NIPAL3: variants seen among roughly 807,000 people sequenced by gnomAD.
NIPAL3 encodes NIPA-like protein 3.
In NIPAL3, 41 loss-of-function variants were observed where a neutral mutation model predicts 47.2. That is an observed-to-expected ratio of 0.87 (90% CI 0.68 to 1.13). The LOEUF is 1.13. Ranked by LOEUF, NIPAL3 falls within the 50% of genes most tolerant of loss-of-function variation. NIPAL3 has a pLI of 0.00. For synonymous variants in NIPAL3, 194 were observed against 209.6 expected, an observed-to-expected ratio of 0.93 and a Z score of 0.64; for missense variants, 449 against 530.1, an observed-to-expected ratio of 0.85 and a Z score of 1.50.
chr1:24,413,677 G>C (rs559497185), upstream of NIPAL3: 1 of 152,394 alleles, frequency 6.6e-6, no homozygotes, highest in African/African-American at 2.4e-5. Context: ...TTCCTACCTG[G>C]TCCGGTCCCG....
intron 1 of NIPAL3, among the ~76,000 whole-genome samples, chr1:24,419,059 C>T (rs1457131519): frequency 6.6e-6 from 1 of 151,538 alleles, no homozygotes; most frequent in Non-Finnish European, 1.5e-5. Context: ...ACATTAAGGG[C>T]CAGGGAGAAA....
chr1:24,435,563 A>G (rs1645061842), intron 2 of NIPAL3, among the ~76,000 whole-genome samples: 1 of 152,354 alleles, frequency 6.6e-6, no homozygotes, highest in East Asian at 1.9e-4. Flanking sequence ...TTAGTAGTAC[A>G]TGAAATGTCG....
Position 24,421,353 on chromosome 1 carries a change from A to C in NIPAL3, c.93+1713A>C, listed in dbSNP as rs188556396. ...GGTGAGAGAGTGAGACCCCACCTCA[A>C]AAAAAAAGAAAGAAAAAAAGATCAG... On this transcript the variant is annotated intron_variant, in intron 2 of 11. Coordinates refer to ENST00000374399, the MANE Select transcript of NIPAL3 (RefSeq NM_020448.5). Among the ~76,000 whole-genome samples, 3 of 151,930 alleles carry C rather than the reference A, an allele frequency of 2.0e-5. No individual in the cohort carries two copies. In the East Asian group the frequency reaches 5.8e-4, roughly 29 times the overall value.
chr1:24,462,869 G>A (rs111754355), intron 10 of NIPAL3, among the ~76,000 whole-genome samples: 3,701 of 152,220 alleles, frequency 0.024, 162 homozygotes, highest in African/African-American at 0.083. Flanking sequence ...AGGCTGAGGC[G>A]GGTGGATCAC....
intron 2 of NIPAL3, among the ~76,000 whole-genome samples, chr1:24,428,258 AAGAG>A (rs56082168): frequency 0.017 from 2,042 of 119,526 alleles, 61 homozygotes; most frequent in African/African-American, 0.051. Context: ...CTCAAAAAGA[AAGAG>A]AGAGAGAGAG....
intron 6 of NIPAL3, among the ~76,000 whole-genome samples, chr1:24,452,727 TA>T (rs1645997648): frequency 1.3e-5 from 2 of 152,178 alleles, no homozygotes; most frequent in Non-Finnish European, 2.9e-5. Context: ...TGTATTTATT[TA>T]TTTTTTTGAG....
intron 7 of NIPAL3, 23 bp from the exon 8 acceptor site, chr1:24,456,115 T>A: frequency 6.2e-7 from 1 of 1,613,916 alleles, no homozygotes; most frequent in Non-Finnish European, 8.5e-7. Flanking sequence ...GGCTCCCCAT[T>A]CGCCCTTGTC....
rs976799969 is a variant in NIPAL3 at position 24,416,129 on chromosome 1, T to C, written c.-258+225T>C. The C allele has an allele frequency of 4.1e-6, 4 of 985,340 alleles. No individual in the cohort carries two copies. Among genetic ancestry groups the C allele is most frequent in the Admixed American group, 6.1e-5 (1 of 16,268 alleles). 61.0% of individuals were successfully genotyped at this position (985,340 alleles called of 1,614,324 possible). ...TACCTTACTAAAGGTGATGCCAGGCTCTACCAAACCAGGAAGTGACATGGA... is the reference window on the plus strand; with the variant it reads ...TACCTTACTAAAGGTGATGCCAGGCCCTACCAAACCAGGAAGTGACATGGA... On this transcript the variant is annotated intron_variant, in intron 1 of 11. Transcript: ENST00000374399. The surrounding 1 kb of genome is among the most constrained non-coding windows in gnomAD (Gnocchi z 4.8).
In NIPAL3 at chr1:24,419,545, A is replaced by T; in HGVS notation, c.-3A>T. 1 of 1,612,928 alleles carries T rather than the reference A, an allele frequency of 6.2e-7. No individual in the cohort carries two copies. The highest frequency in any genetic ancestry group is 1.1e-5 in the South Asian group (1 of 90,694). The stretch of plus-strand genomic sequence containing the variant: ...GCCCTGTGGGATGCGCCACTAGACC[A>T]CCATGGACGGATCCCACAGCGCAGC... On this transcript the variant is annotated 5_prime_UTR_variant, in exon 2 of 12. Coordinates refer to ENST00000374399, the MANE Select transcript of NIPAL3 (RefSeq NM_020448.5).
At chr1:24,433,180 CA>C (rs1304850301) in intron 2 of NIPAL3, 1 of 152,220 alleles carries the variant, frequency 6.6e-6, no homozygotes, top group Non-Finnish European at 1.5e-5. Context: ...ATGTCCGAGT[CA>C]CAGTGTCATG....
intron 2 of NIPAL3, among the ~76,000 whole-genome samples, chr1:24,437,482 C>G (rs549700882): frequency 6.6e-6 from 1 of 152,252 alleles, no homozygotes; most frequent in South Asian, 2.1e-4. Flanking sequence ...AAACATGTCC[C>G]AAAATGCTTT....
chr1:24,433,823 TG>T (rs34161886), intron 2 of NIPAL3, among the ~76,000 whole-genome samples: 65,008 of 151,886 alleles, frequency 0.43, 15,225 homozygotes, highest in African/African-American at 0.64. Flanking sequence ...GGGAGAGAGA[TG>T]GGAACTATAT....
chr1:24,440,462 T>C (rs1383436401), intron 3 of NIPAL3, among the ~76,000 whole-genome samples: 1 of 152,186 alleles, frequency 6.6e-6, no homozygotes, highest in Non-Finnish European at 1.5e-5. Context: ...CTGTCTCTCC[T>C]TGGGCTTTGC....
chr1:24,460,448 C>T, intron 9 of NIPAL3, 33 bp from the exon 10 acceptor site: 9 of 1,563,370 alleles, frequency 5.8e-6, no homozygotes, highest in South Asian at 2.4e-5. Context: ...TTGAAAACAG[C>T]TCAGCGGTAT....
chr1:24,442,578 G>C lies in NIPAL3; in HGVS notation c.334+352G>C, dbSNP rs548047206. Among the ~76,000 whole-genome samples the C allele has an allele frequency of 2.8e-4, 42 of 152,300 alleles. No homozygotes were observed. In the East Asian group the frequency reaches 5.0e-3, roughly 18 times the overall value. ...CCAGGTTCTGTTTAAGATTCAGAAGGCTTATTAGAATTGCTTTTTATTTCT... is the reference window on the plus strand; with the variant it reads ...CCAGGTTCTGTTTAAGATTCAGAAGCCTTATTAGAATTGCTTTTTATTTCT... On this transcript the variant is annotated intron_variant, in intron 4 of 11. Coordinates refer to ENST00000374399, the MANE Select transcript of NIPAL3 (RefSeq NM_020448.5).
intron 3 of NIPAL3, among the ~76,000 whole-genome samples, chr1:24,441,555 T>C (rs1645384101): frequency 6.6e-6 from 1 of 152,072 alleles, no homozygotes; most frequent in South Asian, 2.1e-4. Flanking sequence ...GGCCCACTGA[T>C]ACCCACACAA....
intron 2 of NIPAL3, among the ~76,000 whole-genome samples, chr1:24,434,526 A>G (rs1235929133): frequency 1.3e-5 from 2 of 152,208 alleles, no homozygotes; most frequent in Non-Finnish European, 2.9e-5. Flanking sequence ...ACTAATGGAT[A>G]GAACAATTAG....
At chr1:24,468,455 C>G (rs993462300) in intron 11 of NIPAL3, among the ~76,000 whole-genome samples, 5 of 152,100 alleles carry the variant, frequency 3.3e-5, no homozygotes, top group African/African-American at 9.7e-5. Flanking sequence ...GTCAAAGTAC[C>G]CAGAAGTAAT....
In NIPAL3 at chr1:24,470,372, C is replaced by G. The variant is rs1010684728; in HGVS notation, c.*1187C>G. 1.3e-5 allele frequency: 2 copies of G among 152,218 alleles called. No homozygotes were observed. Among genetic ancestry groups the G allele is most frequent in the Non-Finnish European group, 2.9e-5 (2 of 68,044 alleles). The allele number at this position is 152,218 out of a possible 1,614,324, so 9.4% of individuals were successfully genotyped here. ...CATATGTAAAATGCAGATTCCTGCACCCCAACTGCAGACACTGTTAAGTGG... is the reference window on the plus strand; with the variant it reads ...CATATGTAAAATGCAGATTCCTGCAGCCCAACTGCAGACACTGTTAAGTGG... On this transcript the variant is annotated 3_prime_UTR_variant, in exon 12 of 12. Coordinates refer to ENST00000374399, the MANE Select transcript of NIPAL3 (RefSeq NM_020448.5).
Sources: gnomAD v4.1 joint callset for allele counts (sites outside exome capture counted in the v4.1 genomes callset) on GRCh38, gnomAD v4.1.1 for gene constraint, Gnocchi (gnomAD v3.1) non-coding constraint, MANE v1.5 for transcripts, NCBI Gene and HGNC (gene_info 2026-07-23, HGNC 2026-07-21) for gene names.